Variants in MTERF3 observed in about 807,000 individuals in gnomAD.
MTERF3 encodes transcription termination factor 3, mitochondrial.
Under a neutral mutation model 40.5 loss-of-function variants are expected in MTERF3, and 40 were observed. The observed-to-expected ratio is 0.99, with a 90% CI of 0.77 to 1.29. The LOEUF is 1.29. Among genes scored for constraint, MTERF3 ranks in the 50% most tolerant of loss-of-function variants. The probability of loss-of-function intolerance (pLI) is 0.00; values close to 1 mark genes in which losing one functional copy is unlikely to be tolerated. For synonymous variants in MTERF3, 158 were observed against 166.6 expected (o/e 0.95, Z 0.40); for missense variants, 452 against 478.2 (o/e 0.95, Z 0.51).
rs542903750 is a variant in MTERF3 at position 96,248,614 on chromosome 8, T to G, written c.678-2160A>C. ...AAGTAGGAGAAAAGGAGGTATTACT[T>G]GTTTTTTTGGCAGCAAGGTTCAGCA... On this transcript the variant is annotated intron_variant, in intron 4 of 7. Transcript: ENST00000287025. 1.1e-3 allele frequency among the ~76,000 whole-genome samples: 161 copies of G among 152,326 alleles called. 1 individual carries two copies. The highest frequency in any genetic ancestry group is 1.9e-3 in the Non-Finnish European group (132 of 68,024).
chr8:96,251,001 A>C lies in MTERF3; in HGVS notation c.582T>G (p.Phe194Leu), dbSNP rs777867214. The stretch of plus-strand genomic sequence containing the variant: ...TATCCTCTATACCCACATCTTTAAG[A>C]AACAGAAGCATTTGCTTAATGTCTT... The part of the protein sequence containing the change: ...FEKDIKQMLL[F>L]LKDVGIEDNQ... The change falls in exon 4 of 8, where the codon TTT becomes TTG. Residue 194 changes from phenylalanine (F) to leucine (L), a missense_variant. Phe to Leu is a conservative substitution (Grantham distance 22). Coordinates refer to ENST00000287025, the MANE Select transcript of MTERF3 (RefSeq NM_015942.5). 3.1e-6 allele frequency: 5 copies of C among 1,605,954 alleles called. No individual in the cohort carries two copies. The South Asian group carries it at 5.6e-5, about 18-fold the overall frequency.
chr8:96,255,601 T>C (rs974073123), intron 3 of MTERF3, among the ~76,000 whole-genome samples: 2 of 146,652 alleles, frequency 1.4e-5, no homozygotes, highest in African/African-American at 2.6e-5. Flanking sequence ...GGTACCACTG[T>C]ACTCCAGCCT....
chr8:96,239,735 A>C, intron 7 of MTERF3, 50 bp from the exon 8 acceptor site: 1 of 1,464,400 alleles, frequency 6.8e-7, no homozygotes, highest in Non-Finnish European at 9.2e-7. Flanking sequence ...GGGAGGATGA[A>C]ATATTAAAAA....
intron 2 of MTERF3, among the ~76,000 whole-genome samples, chr8:96,257,642 G>A (rs1287641492): frequency 6.6e-6 from 1 of 152,150 alleles, no homozygotes; most frequent in Non-Finnish European, 1.5e-5. Context: ...GTACAGCCCT[G>A]ATTCTGAAGT....
intron 5 of MTERF3, 134 bp downstream of exon 5, chr8:96,246,173 A>T: frequency 1.1e-6 from 1 of 894,478 alleles, no homozygotes; most frequent in Non-Finnish European, 1.6e-6. Context: ...CTAGCAGGAT[A>T]ATTCATTTTT....
At chr8:96,256,127 GT>G (rs1317899113) in intron 3 of MTERF3, among the ~76,000 whole-genome samples, 1 of 152,194 alleles carries the variant, frequency 6.6e-6, no homozygotes, top group Admixed American at 6.5e-5. Flanking sequence ...GAAAGCAAAA[GT>G]TTGTAATAAA....
rs1242668249 is a variant in MTERF3, at chr8:96,245,847, A to G, written c.897+13T>C. On this transcript the variant is annotated intron_variant, in intron 6 of 7. Coordinates refer to ENST00000287025, the MANE Select transcript of MTERF3 (RefSeq NM_015942.5). Reference sequence around the variant, plus strand: ...AAGAAACTGATTTCTCAAAAAGCCTAAAGTTGTCCTACCTTCATATTTTCT... The same window carrying G: ...AAGAAACTGATTTCTCAAAAAGCCTGAAGTTGTCCTACCTTCATATTTTCT... The G allele has an allele frequency of 1.9e-6, 3 of 1,611,236 alleles. No homozygotes were observed. Among genetic ancestry groups the G allele is most frequent in the East Asian group, 2.2e-5 (1 of 44,848 alleles).
chr8:96,247,684 A>G (rs1174687031), intron 4 of MTERF3, among the ~76,000 whole-genome samples: 1 of 152,160 alleles, frequency 6.6e-6, no homozygotes, highest in Non-Finnish European at 1.5e-5. Context: ...CTTTATAATC[A>G]CATGACTATT....
chr8:96,261,590 G>A lies in MTERF3; in HGVS notation c.-100C>T. On this transcript the variant is annotated 5_prime_UTR_variant, in exon 1 of 8. Transcript: ENST00000287025. Reference sequence around the variant, plus strand: ...TCCCGTCCCGCCGCGCCGCACGCCGGCTCCTCAGCCCGCCCTACACAGCGC... The same window carrying A: ...TCCCGTCCCGCCGCGCCGCACGCCGACTCCTCAGCCCGCCCTACACAGCGC... 6.5e-6 allele frequency: 1 copy of A among 154,588 alleles called. No individual in the cohort carries two copies. Among genetic ancestry groups the A allele is most frequent in the Non-Finnish European group, 1.4e-5 (1 of 69,570 alleles). 9.6% of individuals were successfully genotyped at this position (154,588 alleles called of 1,614,324 possible). A position where few individuals can be genotyped will look rare whatever the true frequency, so the allele number is the denominator to read the frequency against.
At chr8:96,254,868 T>A (rs1563551370) in intron 3 of MTERF3, among the ~76,000 whole-genome samples, 1 of 152,338 alleles carries the variant, frequency 6.6e-6, no homozygotes, top group East Asian at 1.9e-4. Context: ...GTGTCATTAA[T>A]GCTAGGATCC....
At chr8:96,257,238 C>T (rs1003696839) in intron 2 of MTERF3, 124 bp from the exon 3 acceptor site, 2 of 982,174 alleles carry the variant, frequency 2.0e-6, no homozygotes, top group Non-Finnish European at 1.4e-6. Flanking sequence ...TAGAATTAAA[C>T]ATCCAAGTCC....
chr8:96,259,699 A>G (rs1020835968), intron 1 of MTERF3, among the ~76,000 whole-genome samples: 1 of 152,164 alleles, frequency 6.6e-6, no homozygotes, highest in Non-Finnish European at 1.5e-5. Context: ...AACCAAATAC[A>G]AAAATTCTGC....
intron 6 of MTERF3, among the ~76,000 whole-genome samples, chr8:96,245,345 T>G (rs984684468): frequency 1.3e-5 from 2 of 152,218 alleles, no homozygotes; most frequent in Non-Finnish European, 2.9e-5. Flanking sequence ...GGAAGGACAG[T>G]AAAGAGTGTC....
rs1809885016 is a variant in MTERF3, at chr8:96,239,685, C to A, written c.1060G>T (p.Val354Leu). Residue 354 changes from valine to leucine, a missense_variant and splice_region_variant, in exon 8 of 8, where the codon GTA becomes TTA. Coordinates refer to ENST00000287025, the MANE Select transcript of MTERF3 (RefSeq NM_015942.5). ...ACCTTAAACAGCCTTGTATTAAATA[C>A]CTAGAAAAGAAAAAAAAGTTTTTAA... ...PHHIIVKFPQ[V>L]FNTRLFKVKE... The A allele has an allele frequency of 6.4e-7, 1 of 1,568,632 alleles. No homozygotes were observed. The highest frequency in any genetic ancestry group is 2.1e-5 in the Admixed American group (1 of 46,660).
chr8:96,250,032 T>C (rs1563547794), intron 4 of MTERF3, among the ~76,000 whole-genome samples: 1 of 152,174 alleles, frequency 6.6e-6, no homozygotes, highest in Non-Finnish European at 1.5e-5. Context: ...GTATTCCCAA[T>C]GCCTAGCAGG....
intron 1 of MTERF3, 93 bp downstream of exon 1, chr8:96,261,408 T>G (rs1272584175): frequency 1.3e-5 from 2 of 152,350 alleles, no homozygotes; most frequent in Non-Finnish European, 2.9e-5. Flanking sequence ...TAAAGGCCCT[T>G]GAGGCCCTGG....
intron 2 of MTERF3, chr8:96,258,055 A>G (rs1311532875): frequency 5.6e-6 from 1 of 178,418 alleles, no homozygotes; most frequent in Non-Finnish European, 1.1e-5. Flanking sequence ...TGATATAATT[A>G]TACCCTAATA....
rs145985404 is a variant in MTERF3, at chr8:96,256,980, G to C, written c.469C>G (p.Gln157Glu). 1,338 of 1,608,752 alleles carry C rather than the reference G, an allele frequency of 8.3e-4. 1 individual carries two copies. The highest frequency in any genetic ancestry group is 1.0e-3 in the Non-Finnish European group (1,189 of 1,178,508). ...RDYVDHSETL[Q>E]KLVLLGVDLS... ...AACTTACCTAGAAGAACCAACTTCT[G>C]CAGAGTCTCAGAATGATCCACATAG... Residue 157 changes from glutamine to glutamate, a missense_variant, in exon 3 of 8, where the codon CAG (glutamine) becomes GAG (glutamate). By Grantham distance (29) the Gln-to-Glu change is conservative. Coordinates refer to ENST00000287025, the MANE Select transcript of MTERF3 (RefSeq NM_015942.5).
chr8:96,239,871 C>T (rs1453726693), intron 7 of MTERF3, 186 bp from the exon 8 acceptor site: 1 of 700,676 alleles, frequency 1.4e-6, no homozygotes, highest in Non-Finnish European at 2.6e-6. Flanking sequence ...AAAAGGGATT[C>T]AAAATCAACA....
Sources: allele counts gnomAD v4.1 joint callset (sites outside exome capture counted in the v4.1 genomes callset), GRCh38; gene constraint gnomAD v4.1.1; transcripts MANE v1.5; gene names NCBI Gene and HGNC (gene_info 2026-07-23, HGNC 2026-07-21).